GPC5: variants seen among roughly 807,000 people sequenced by gnomAD.
GPC5 encodes glypican 5.
GPC5 carries 47 observed loss-of-function variants against 53.9 expected under a neutral mutation model. The ratio of observed to expected loss-of-function variants is 0.87; its 90% CI spans 0.69 to 1.11. GPC5 has a LOEUF of 1.11. Ranked by LOEUF, GPC5 falls within the 50% of genes most tolerant of loss-of-function variation. The pLI is 0.00. For missense variants in GPC5, 748 were observed against 713.1 expected, an observed-to-expected ratio of 1.05 and a Z score of -0.56; for synonymous variants, 286 against 263.3, an observed-to-expected ratio of 1.09 and a Z score of -0.84.
At chr13:92,703,052 ATATTTATTTATTTATT>A (rs138015246) in intron 7 of GPC5, among the ~76,000 whole-genome samples, 36 of 145,806 alleles carry the variant, frequency 2.5e-4, no homozygotes, top group African/African-American at 7.6e-4. Context: ...GCATATATAT[ATATTTATTTATTTATT>A]TATTTATTTA....
At chr13:91,520,910 A>G (rs1885777386) in intron 2 of GPC5, among the ~76,000 whole-genome samples, 1 of 152,148 alleles carries the variant, frequency 6.6e-6, no homozygotes, top group Admixed American at 6.6e-5. Context: ...TCAAAGAATA[A>G]CTAAACATCC....
intron 7 of GPC5, among the ~76,000 whole-genome samples, chr13:92,559,675 A>C (rs1882631067): frequency 6.6e-6 from 1 of 151,572 alleles, no homozygotes; most frequent in Admixed American, 6.6e-5. Flanking sequence ...GCTAGTCCGA[A>C]ACTGGCCACC....
At chr13:92,231,221 T>A (rs933300098) in intron 7 of GPC5, among the ~76,000 whole-genome samples, 8 of 152,318 alleles carry the variant, frequency 5.3e-5, no homozygotes, top group Non-Finnish European at 8.8e-5. Context: ...TCAAACACAA[T>A]TTGATATAAT....
At chr13:92,433,234 T>A (rs1460986916) in intron 7 of GPC5, among the ~76,000 whole-genome samples, 1 of 151,598 alleles carries the variant, frequency 6.6e-6, no homozygotes, top group African/African-American at 2.4e-5. Flanking sequence ...CAGATGAAGA[T>A]CAGGTTACAT....
At chr13:92,109,690 A>C (rs932844835) in intron 6 of GPC5, among the ~76,000 whole-genome samples, 1 of 152,116 alleles carries the variant, frequency 6.6e-6, no homozygotes, top group Non-Finnish European at 1.5e-5. Context: ...CTTCCCCATT[A>C]CCGTAGTCTT....
At chr13:91,652,845 C>T (rs1055364365) in intron 2 of GPC5, among the ~76,000 whole-genome samples, 8 of 152,098 alleles carry the variant, frequency 5.3e-5, no homozygotes, top group Non-Finnish European at 1.2e-4. Flanking sequence ...CACAGTTGAT[C>T]GTTTACTTTA....
At chr13:92,533,525 T>C (rs1881629229) in intron 7 of GPC5, among the ~76,000 whole-genome samples, 1 of 152,146 alleles carries the variant, frequency 6.6e-6, no homozygotes, top group Admixed American at 6.6e-5. Context: ...GCTTTGGATA[T>C]TAAATATAAG....
intron 7 of GPC5, among the ~76,000 whole-genome samples, chr13:92,415,701 C>A (rs1301105767): frequency 6.6e-6 from 1 of 150,392 alleles, no homozygotes; most frequent in East Asian, 2.0e-4. Flanking sequence ...GAAGTAATAG[C>A]AGCGGAATGA....
At chr13:92,246,726 G>A (rs1385144571) in intron 7 of GPC5, among the ~76,000 whole-genome samples, 2 of 152,030 alleles carry the variant, frequency 1.3e-5, no homozygotes, top group Non-Finnish European at 2.9e-5. Flanking sequence ...ATCCGGTCAC[G>A]GGCTATGAAA....
At chr13:91,891,277 A>G (rs1161040641) in intron 5 of GPC5, among the ~76,000 whole-genome samples, 1 of 152,180 alleles carries the variant, frequency 6.6e-6, no homozygotes, top group Admixed American at 6.6e-5. Context: ...TCTTGAGCCT[A>G]GGAAGCTTCG....
intron 1 of GPC5, among the ~76,000 whole-genome samples, chr13:91,405,397 G>A (rs938104906): frequency 4.6e-5 from 7 of 152,162 alleles, no homozygotes; most frequent in African/African-American, 1.7e-4. Context: ...AGACAAACTT[G>A]TCCTCGTTGA....
chr13:91,594,134 T>G (rs1594304441), intron 2 of GPC5, among the ~76,000 whole-genome samples: 3 of 152,358 alleles, frequency 2.0e-5, no homozygotes, highest in African/African-American at 7.2e-5. Flanking sequence ...ATGCAGATTA[T>G]GATTTTTAGG....
chr13:91,447,382 G>A (rs991202569), intron 1 of GPC5, among the ~76,000 whole-genome samples: 4 of 146,832 alleles, frequency 2.7e-5, no homozygotes, highest in African/African-American at 7.6e-5. Flanking sequence ...TTGCTCTTAC[G>A]TAACTTTAGG....
At chr13:91,473,043 A>G (rs1239424479) in intron 2 of GPC5, among the ~76,000 whole-genome samples, 1 of 152,158 alleles carries the variant, frequency 6.6e-6, no homozygotes, top group Non-Finnish European at 1.5e-5. Flanking sequence ...CAGGAAACTT[A>G]CGATCATGAC....
At chr13:92,750,639 C>T (rs187977642) in intron 7 of GPC5, among the ~76,000 whole-genome samples, 2 of 152,302 alleles carry the variant, frequency 1.3e-5, no homozygotes, top group South Asian at 2.1e-4. Flanking sequence ...GAATGCCCTA[C>T]TCCTGGTAGT....
At chr13:92,242,558 T>G (rs2139117718) in intron 7 of GPC5, among the ~76,000 whole-genome samples, 1 of 152,144 alleles carries the variant, frequency 6.6e-6, no homozygotes, top group Middle Eastern at 3.4e-3. Flanking sequence ...TACCAAAAGC[T>G]ATCCAGCTAC....
intron 6 of GPC5, among the ~76,000 whole-genome samples, chr13:92,073,957 GC>G (rs1320266095): frequency 6.6e-6 from 1 of 152,102 alleles, no homozygotes; most frequent in African/African-American, 2.4e-5. Context: ...TTCCCTCTTT[GC>G]TCTGCATTTC....
chr13:92,739,156 A>G (rs1052572600), intron 7 of GPC5, among the ~76,000 whole-genome samples: 1 of 152,146 alleles, frequency 6.6e-6, no homozygotes, highest in Non-Finnish European at 1.5e-5. Flanking sequence ...TTATTTATAT[A>G]TAAACATATG....
rs139427542 is a variant in GPC5, at chr13:92,405,568, A to G, written c.1561+260579A>G. 1.8e-4 allele frequency among the ~76,000 whole-genome samples: 28 copies of G among 152,352 alleles called. No individual in the cohort carries two copies. The East Asian group carries it at 4.4e-3, about 24-fold the overall frequency. Reference sequence around the variant, plus strand: ...ACATGAACATTGAGTCTGCAAAGTCAGATAAGTGAAATTTAAACTTAAATT... The same window carrying G: ...ACATGAACATTGAGTCTGCAAAGTCGGATAAGTGAAATTTAAACTTAAATT... On this transcript the variant is annotated intron_variant, in intron 7 of 7. Coordinates refer to ENST00000377067, the MANE Select transcript of GPC5 (RefSeq NM_004466.6).
Sources: allele counts gnomAD v4.1 joint callset (sites outside exome capture counted in the v4.1 genomes callset), GRCh38; gene constraint gnomAD v4.1.1; transcripts MANE v1.5; gene names NCBI Gene and HGNC (gene_info 2026-07-23, HGNC 2026-07-21).